The following VPS13D variants were observed in gnomAD, a reference collection of about 807,000 sequenced individuals.
VPS13D encodes intermembrane lipid transfer protein VPS13D.
VPS13D carries 187 observed loss-of-function variants against 461.9 expected under a neutral mutation model. That is an observed-to-expected ratio of 0.40 (90% CI 0.36 to 0.46). The LOEUF (loss-of-function observed/expected upper bound fraction) is 0.46. Among genes scored for constraint, VPS13D ranks in the 20% least tolerant of loss-of-function variants. The probability of loss-of-function intolerance (pLI) is 0.60; values close to 1 mark genes in which losing one functional copy is unlikely to be tolerated. For synonymous variants in VPS13D, 1,951 were observed against 1,986.3 expected, an observed-to-expected ratio of 0.98 and a Z score of 0.47; for missense variants, 4,711 against 5,364.9, an observed-to-expected ratio of 0.88 and a Z score of 3.81.
chr1:12,277,268 A>G lies in VPS13D; in HGVS notation c.3680A>G (p.Gln1227Arg). 6.2e-7 allele frequency: 1 copy of G among 1,614,262 alleles called. No individual in the cohort carries two copies. Reference protein sequence around the residue: ...LGCLQLMDLTQDNVKNQYVVS... With the variant: ...LGCLQLMDLTRDNVKNQYVVS... Reference sequence around the variant, plus strand: ...TGTTTACAGCTTATGGATTTGACACAAGATAACGTTAAAAACCAGTATGTT... The same window carrying G: ...TGTTTACAGCTTATGGATTTGACACGAGATAACGTTAAAAACCAGTATGTT... Residue 1227 changes from glutamine (Q) to arginine (R), a missense_variant, in exon 19 of 70, where the codon CAA becomes CGA. Gln to Arg is a conservative substitution (Grantham distance 43). This residue lies in a region of VPS13D where 4,411 missense variants were observed against 4,937.8 expected (regional missense o/e 0.89). Coordinates refer to ENST00000620676, the MANE Select transcript of VPS13D (RefSeq NM_015378.4).
intron 61 of VPS13D, among the ~76,000 whole-genome samples, chr1:12,400,962 GCACACACACACA>G (rs55998605): frequency 3.8e-5 from 4 of 106,218 alleles, no homozygotes; most frequent in Non-Finnish European, 8.3e-5. Context: ...CTGCGCGCGC[GCACACACACACA>G]CACACACACA....
chr1:12,326,524 A>C (rs1369390922), intron 35 of VPS13D, among the ~76,000 whole-genome samples: 1 of 151,570 alleles, frequency 6.6e-6, no homozygotes, highest in Middle Eastern at 3.4e-3. Flanking sequence ...TTTTGTAGAG[A>C]CAGGTCTTGC....
intron 63 of VPS13D, among the ~76,000 whole-genome samples, chr1:12,410,458 A>G (rs1334168910): frequency 1.3e-5 from 2 of 152,344 alleles, no homozygotes; most frequent in Non-Finnish European, 2.9e-5. Context: ...CTAAAAACTC[A>G]TCCAAAGTCT....
At chr1:12,417,188 T>A (rs1644804960) in intron 65 of VPS13D, among the ~76,000 whole-genome samples, 1 of 152,224 alleles carries the variant, frequency 6.6e-6, no homozygotes, top group Non-Finnish European at 1.5e-5. Context: ...GCCTGAGATC[T>A]ACCAGTTATT....
At chr1:12,264,085 T>G in intron 13 of VPS13D, among the ~76,000 whole-genome samples, 1 of 152,358 alleles carries the variant, frequency 6.6e-6, no homozygotes. Context: ...TAATCACCAA[T>G]TTGTAATGTT....
intron 65 of VPS13D, among the ~76,000 whole-genome samples, chr1:12,417,640 A>G (rs1328191669): frequency 6.6e-6 from 1 of 152,228 alleles, no homozygotes; most frequent in Non-Finnish European, 1.5e-5. Flanking sequence ...GTGATATGAC[A>G]TAAAAGTAGC....
intron 60 of VPS13D, among the ~76,000 whole-genome samples, chr1:12,392,309 C>T (rs1464448754): frequency 6.6e-6 from 1 of 151,846 alleles, no homozygotes; most frequent in African/African-American, 2.4e-5. Context: ...GGTGAAACTC[C>T]ATCTCTATTA....
chr1:12,360,225 A>G (rs1569999349), intron 50 of VPS13D, among the ~76,000 whole-genome samples: 1 of 152,222 alleles, frequency 6.6e-6, no homozygotes, highest in Non-Finnish European at 1.5e-5. Context: ...GGACTTTATC[A>G]TTCTTGAGGG....
intron 67 of VPS13D, among the ~76,000 whole-genome samples, chr1:12,485,171 A>T (rs1320491118): frequency 6.6e-6 from 1 of 152,246 alleles, no homozygotes; most frequent in Admixed American, 6.5e-5. Flanking sequence ...AACTCTTTCA[A>T]ATGAGACATT....
At chr1:12,456,672 C>T (rs1355889173) in intron 66 of VPS13D, among the ~76,000 whole-genome samples, 1 of 146,744 alleles carries the variant, frequency 6.8e-6, no homozygotes, top group East Asian at 2.0e-4. Flanking sequence ...AAAAGGCTGA[C>T]AACAGAGGAA....
At chr1:12,450,252 C>G (rs777871176) in intron 65 of VPS13D, among the ~76,000 whole-genome samples, 1 of 152,166 alleles carries the variant, frequency 6.6e-6, no homozygotes, top group African/African-American at 2.4e-5. Flanking sequence ...AGATTTGATT[C>G]CTTTGCTCCT....
intron 47 of VPS13D, among the ~76,000 whole-genome samples, chr1:12,355,019 A>T (rs1034561728): frequency 4.6e-5 from 7 of 152,246 alleles, no homozygotes; most frequent in Non-Finnish European, 2.9e-5. Context: ...GAACAAATGT[A>T]TAGGCCAAAA....
At chr1:12,450,526 A>C (rs943480588) in intron 65 of VPS13D, among the ~76,000 whole-genome samples, 2 of 152,140 alleles carry the variant, frequency 1.3e-5, no homozygotes, top group Non-Finnish European at 2.9e-5. Context: ...ACTGTACTTC[A>C]GATTTTGAGT....
At chr1:12,395,197 T>G (rs1411662600) in intron 60 of VPS13D, among the ~76,000 whole-genome samples, 1 of 152,098 alleles carries the variant, frequency 6.6e-6, no homozygotes, top group Non-Finnish European at 1.5e-5. Context: ...ATTCATCTCC[T>G]CAGACAAAGG....
rs1458235902 is a variant in VPS13D, at chr1:12,277,912, A to G, written c.4324A>G (p.Arg1442Gly). 8.1e-6 allele frequency: 13 copies of G among 1,614,088 alleles called. No homozygotes were observed. The South Asian group carries it at 8.8e-5, about 11-fold the overall frequency. ...TTTGAATTGCACCCAGTTGGCAGGT[A>G]GAGAAGCTGTTGGGTCTGAAGGAAG... ...YSLNCTQLAG[R>G]EAVGSEGSRM... Residue 1442 changes from arginine to glycine, a missense_variant, in exon 19 of 70, where the codon AGA (arginine) becomes GGA (glycine). By Grantham distance (125) the Arg-to-Gly change is moderately radical (BLOSUM62 -2). Around this residue, in one of 3 missense-constraint regions of VPS13D, gnomAD observed 4,411 missense variants for 4,937.8 expected, o/e 0.89. Coordinates refer to ENST00000620676, the MANE Select transcript of VPS13D (RefSeq NM_015378.4).
chr1:12,468,339 C>A (rs1350686215), intron 67 of VPS13D, among the ~76,000 whole-genome samples: 2 of 152,220 alleles, frequency 1.3e-5, no homozygotes, highest in South Asian at 2.1e-4. Flanking sequence ...TTTAGATTTT[C>A]ATGACTATCC....
At chr1:12,494,153 A>G (rs1454815042) in intron 67 of VPS13D, among the ~76,000 whole-genome samples, 3 of 152,250 alleles carry the variant, frequency 2.0e-5, no homozygotes, top group African/African-American at 7.2e-5. Context: ...TGAGCACTGA[A>G]TCCAACCTTG....
intron 20 of VPS13D, among the ~76,000 whole-genome samples, chr1:12,280,853 G>A (rs576761658): frequency 1.3e-5 from 2 of 152,104 alleles, no homozygotes; most frequent in Admixed American, 1.3e-4. Context: ...TCTTAAAAAC[G>A]TTATTGTAGA....
At position 12,291,026 on chromosome 1, in the gene VPS13D, T is replaced by C. The variant is rs762112707; in HGVS notation, c.5754T>C (p.Ile1918=). 6 of 1,613,876 alleles carry C rather than the reference T, an allele frequency of 3.7e-6. No individual in the cohort carries two copies. Among genetic ancestry groups the C allele is most frequent in the Non-Finnish European group, 8.5e-7 (1 of 1,179,934 alleles). ...IEGDLALQGS[I]GSLSLSDLTC... ...GAGACCTGGCCTTACAGGGCAGCATTGGGAGTCTGTCTCTAAGTGACCTCA... is the reference window on the plus strand; with the variant it reads ...GAGACCTGGCCTTACAGGGCAGCATCGGGAGTCTGTCTCTAAGTGACCTCA... Residue 1918 remains isoleucine (I), a synonymous_variant, in exon 23 of 70, where the codon ATT becomes ATC. Coordinates refer to ENST00000620676, the MANE Select transcript of VPS13D (RefSeq NM_015378.4).
Sources: gnomAD v4.1 joint callset for allele counts (sites outside exome capture counted in the v4.1 genomes callset) on GRCh38, gnomAD v4.1.1 for gene constraint, gnomAD v4.1.1 regional missense constraint, MANE v1.5 for transcripts, NCBI Gene and HGNC (gene_info 2026-07-23, HGNC 2026-07-21) for gene names.